HERC1: variants seen among roughly 807,000 people sequenced by gnomAD.
HERC1 encodes the protein HECT and RLD domain containing E3 ubiquitin protein ligase family member 1.
HERC1 carries 160 observed loss-of-function variants against 554.3 expected under a neutral mutation model. The observed-to-expected ratio is 0.29, with a 90% CI of 0.25 to 0.33. The LOEUF (loss-of-function observed/expected upper bound fraction) is 0.33, where lower values mean the gene tolerates loss of function less well. Among genes scored for constraint, HERC1 ranks in the 10% least tolerant of loss-of-function variants. The pLI is 1.00. For synonymous variants in HERC1, 2,175 were observed against 2,131.7 expected (o/e 1.02, Z -0.56); for missense variants, 4,919 against 5,918.5 (o/e 0.83, Z 5.54).
intron 27 of HERC1, 135 bp downstream of exon 27, chr15:63,695,989 C>G (rs889289184): frequency 3.7e-5 from 24 of 642,990 alleles, no homozygotes; most frequent in Admixed American, 1.0e-4. Context: ...GGAAATGGAA[C>G]CAAGGAGCTA....
chr15:63,726,672 A>G (rs1355116790), intron 17 of HERC1, among the ~76,000 whole-genome samples: 2 of 152,200 alleles, frequency 1.3e-5, no homozygotes, highest in Non-Finnish European at 2.9e-5. Flanking sequence ...ACTAATCACT[A>G]AAGAATGAGA....
At position 63,649,707 on chromosome 15, in the gene HERC1, G is replaced by GT. The variant is rs138962471; in HGVS notation, c.10747+17dup. 0.18 allele frequency: 289,323 copies of GT among 1,604,106 alleles called. 28,781 individuals carry two copies. Among genetic ancestry groups the GT allele is most frequent in the Non-Finnish European group, 0.2 (228,828 of 1,172,378 alleles). ...AAGTTGGAGACTCCGTCAGCTAGAC[G>GT]TAAGTGCAGTCATTTACCATCCTTT... On this transcript the variant is annotated intron_variant, in intron 54 of 77. Transcript: ENST00000443617.
At chr15:63,806,900 A>T (rs769601694) in intron 1 of HERC1, among the ~76,000 whole-genome samples, 8 of 152,168 alleles carry the variant, frequency 5.3e-5, no homozygotes, top group Non-Finnish European at 1.0e-4. Context: ...GGCATGCGCC[A>T]CCGCGCCCGG....
chr15:63,699,958 G>T (rs2072629363), intron 25 of HERC1, among the ~76,000 whole-genome samples: 1 of 151,874 alleles, frequency 6.6e-6, no homozygotes. Flanking sequence ...TCCATGCATG[G>T]CCCAATTTTG....
Position 63,616,388 on chromosome 15 carries a change from G to T in HERC1, c.13941+42C>A, listed in dbSNP as rs62012820. 279,063 of 1,585,088 alleles carry T rather than the reference G, an allele frequency of 0.18. 27,202 individuals are homozygous for T. Among genetic ancestry groups the T allele is most frequent in the Non-Finnish European group, 0.19 (221,582 of 1,163,904 alleles). On this transcript the variant is annotated intron_variant, in intron 75 of 77. Coordinates refer to ENST00000443617, the MANE Select transcript of HERC1 (RefSeq NM_003922.4). ...AGAAAAATTCTAGTCTGTGCATATA[G>T]GACGTCAACACCAGTAGAAACATAG...
chr15:63,724,856 A>G (rs2073974544), intron 18 of HERC1, among the ~76,000 whole-genome samples: 1 of 152,214 alleles, frequency 6.6e-6, no homozygotes, highest in South Asian at 2.1e-4. Flanking sequence ...AGGACATAAT[A>G]TAATGTCAGC....
intron 72 of HERC1, 56 bp downstream of exon 72, chr15:63,624,102 A>G: frequency 6.8e-7 from 1 of 1,471,236 alleles, no homozygotes. Context: ...AATTAGTAAT[A>G]ACATCCATCT....
intron 1 of HERC1, among the ~76,000 whole-genome samples, chr15:63,816,548 G>A (rs760449040): frequency 1.3e-5 from 2 of 152,174 alleles, no homozygotes; most frequent in Non-Finnish European, 1.5e-5. Context: ...ACAAACATCA[G>A]TGACCAGCTC....
rs899701207 is a variant in HERC1, at chr15:63,754,776, T to C, written c.1631-128A>G. The C allele has an allele frequency of 1.0e-5, 9 of 901,364 alleles. No individual in the cohort carries two copies. In the Admixed American group the frequency reaches 1.3e-4, roughly 13 times the overall value. The allele number at this position is 901,364 out of a possible 1,614,324, so 55.8% of individuals were successfully genotyped here. A position where few individuals can be genotyped will look rare whatever the true frequency, so the allele number is the denominator to read the frequency against. ...GAGATTTTTTTAATGCAATGCAATA[T>C]GAAAAACACAATCATTTCTAACATC... On this transcript the variant is annotated intron_variant, in intron 6 of 77. Coordinates refer to ENST00000443617, the MANE Select transcript of HERC1 (RefSeq NM_003922.4).
chr15:63,797,615 C>A (rs1488109403), intron 1 of HERC1, among the ~76,000 whole-genome samples: 3 of 152,172 alleles, frequency 2.0e-5, no homozygotes, highest in African/African-American at 4.8e-5. Context: ...AAACTCCAAG[C>A]CTTTGGGGAA....
chr15:63,826,789 A>T (rs1335613359), intron 1 of HERC1, among the ~76,000 whole-genome samples: 1 of 37,582 alleles, frequency 2.7e-5, no homozygotes, highest in Non-Finnish European at 5.3e-5. Flanking sequence ...TCTGGTAAAA[A>T]AAAAAAAAAA....
intron 1 of HERC1, among the ~76,000 whole-genome samples, chr15:63,830,366 A>T (rs2078112741): frequency 6.6e-6 from 1 of 152,226 alleles, no homozygotes; most frequent in African/African-American, 2.4e-5. Flanking sequence ...AAAAAACATC[A>T]GACAAACCCA....
chr15:63,648,728 G>A (rs1221294424), intron 54 of HERC1, among the ~76,000 whole-genome samples: 1 of 152,112 alleles, frequency 6.6e-6, no homozygotes, highest in Non-Finnish European at 1.5e-5. Flanking sequence ...TATCTGTGAG[G>A]GTAGAATGGG....
intron 1 of HERC1, among the ~76,000 whole-genome samples, chr15:63,813,651 G>A (rs140285259): frequency 5.3e-5 from 8 of 152,250 alleles, no homozygotes; most frequent in Middle Eastern, 3.4e-3. Context: ...GGAAGAAGAG[G>A]AGAGGAAACT....
At position 63,626,198 on chromosome 15, in the gene HERC1, C is replaced by T. The variant is rs139461010; in HGVS notation, c.13106-44G>A. 7,750 of 1,586,184 alleles carry T rather than the reference C, an allele frequency of 4.9e-3. 94 individuals are homozygous for T. The highest frequency in any genetic ancestry group is 3.6e-3 in the Non-Finnish European group (4,192 of 1,167,632). On this transcript the variant is annotated intron_variant, in intron 70 of 77. Transcript: ENST00000443617. The stretch of plus-strand genomic sequence containing the variant: ...GGCACTTATGAAGGAAACAGCATTG[C>T]TTTCACTTTTCACATTTTGAAAAAT...
chr15:63,724,188 T>G (rs1426436729), intron 18 of HERC1, among the ~76,000 whole-genome samples: 1 of 152,158 alleles, frequency 6.6e-6, no homozygotes, highest in East Asian at 1.9e-4. Context: ...AACAGAAATA[T>G]GAAGAGGGTA....
chr15:63,675,052 G>A lies in HERC1; in HGVS notation c.7136C>T (p.Pro2379Leu), dbSNP rs769370738. The part of the protein sequence containing the change: ...LYNLEPCEPL[P>L]FDVARFRGLT... Reference sequence around the variant, plus strand: ...GCCTCGGAATCGCGCCACATCAAACGGCAATGGTTCACAGGGTTCCAGATT... The same window carrying A: ...GCCTCGGAATCGCGCCACATCAAACAGCAATGGTTCACAGGGTTCCAGATT... The change falls in exon 38 of 78, where the codon CCG becomes CTG. Residue 2379 changes from proline to leucine, a missense_variant. This residue lies in a region of HERC1 where 1,963 missense variants were observed against 2,228.6 expected (regional missense o/e 0.88). Coordinates refer to ENST00000443617, the MANE Select transcript of HERC1 (RefSeq NM_003922.4). The A allele has an allele frequency of 1.6e-5, 26 of 1,613,894 alleles. No homozygotes were observed. Among genetic ancestry groups the A allele is most frequent in the South Asian group, 1.3e-4 (12 of 91,086 alleles).
intron 1 of HERC1, among the ~76,000 whole-genome samples, chr15:63,782,915 T>C (rs1360980309): frequency 6.6e-6 from 1 of 152,102 alleles, no homozygotes; most frequent in African/African-American, 2.4e-5. Context: ...GCAAGAGAAG[T>C]AGAATTAGAA....
In HERC1 at chr15:63,692,527, C is replaced by A; in HGVS notation, c.5714G>T (p.Gly1905Val). Residue 1905 changes from glycine (G) to valine (V), a missense_variant, in exon 31 of 78, where the codon GGG becomes GTG. Transcript: ENST00000443617. The surrounding 1 kb of genome is among the most constrained non-coding windows in gnomAD (Gnocchi z 4.7). The stretch of plus-strand genomic sequence containing the variant: ...TCTGCGAAGAAAAACTAAAAAATCC[C>A]CTAGATGGAGTTCGGCTGCATGTTG... ...RKQHAAELHLGDFLVFLRRVV... is the reference protein window; with the variant it reads ...RKQHAAELHLVDFLVFLRRVV... 6.2e-7 allele frequency: 1 copy of A among 1,611,866 alleles called. No individual in the cohort carries two copies. Among genetic ancestry groups the A allele is most frequent in the African/African-American group, 1.3e-5 (1 of 74,900 alleles).
Sources: allele counts gnomAD v4.1 joint callset (sites outside exome capture counted in the v4.1 genomes callset), GRCh38; gene constraint gnomAD v4.1.1; regional missense constraint gnomAD v4.1.1; non-coding constraint Gnocchi (gnomAD v3.1); transcripts MANE v1.5; gene names NCBI Gene and HGNC (gene_info 2026-07-23, HGNC 2026-07-21).